CDK14: variants seen among roughly 807,000 people sequenced by gnomAD.
The protein encoded by CDK14 is cyclin dependent kinase 14.
CDK14 carries 34 observed loss-of-function variants against 60.7 expected under a neutral mutation model. The observed-to-expected ratio is 0.56, with a 90% confidence interval of 0.43 to 0.75. CDK14 has a LOEUF of 0.75. CDK14 is among the 30% of genes least tolerant of loss of function. The pLI is 0.00. For synonymous variants in CDK14, 197 were observed against 203.7 expected (o/e 0.97, Z 0.28); for missense variants, 482 against 564.1 (o/e 0.85, Z 1.47).
At chr7:91,159,587 G>A (rs374604666) in intron 14 of CDK14, among the ~76,000 whole-genome samples, 2 of 152,186 alleles carry the variant, frequency 1.3e-5, no homozygotes, top group African/African-American at 2.4e-5. Flanking sequence ...TGTCTGGACC[G>A]ATGGGAGCAG....
intron 2 of CDK14, among the ~76,000 whole-genome samples, chr7:90,648,149 C>G (rs1383395820): frequency 2.0e-5 from 3 of 152,094 alleles, no homozygotes; most frequent in Non-Finnish European, 2.9e-5. Flanking sequence ...GGTTTAGGCT[C>G]TGGGTGTCTT....
chr7:90,618,639 G>C (rs1799701233), intron 2 of CDK14, among the ~76,000 whole-genome samples: 1 of 152,152 alleles, frequency 6.6e-6, no homozygotes. Context: ...GCAGGAGTTA[G>C]AGATGTTTTA....
At chr7:90,631,253 G>C (rs1799991486) in intron 2 of CDK14, among the ~76,000 whole-genome samples, 1 of 152,182 alleles carries the variant, frequency 6.6e-6, no homozygotes, top group African/African-American at 2.4e-5. Flanking sequence ...TGAATGACTG[G>C]ACATGTAGAA....
intron 5 of CDK14, among the ~76,000 whole-genome samples, chr7:90,812,557 T>C (rs1347335551): frequency 6.6e-6 from 1 of 152,154 alleles, no homozygotes; most frequent in African/African-American, 2.4e-5. Flanking sequence ...GCATGGCACA[T>C]GTATACATAT....
At chr7:90,601,552 A>T (rs913600725) in intron 1 of CDK14, among the ~76,000 whole-genome samples, 4 of 152,230 alleles carry the variant, frequency 2.6e-5, no homozygotes, top group East Asian at 3.8e-4. Context: ...TAGCAAATAC[A>T]CTTGCAGTTT....
At chr7:90,985,324 G>A (rs980274444) in intron 10 of CDK14, among the ~76,000 whole-genome samples, 50 of 152,168 alleles carry the variant, frequency 3.3e-4, no homozygotes, top group African/African-American at 1.0e-3. Context: ...TTTTCTCATG[G>A]GTGAAATGAG....
At chr7:90,782,096 G>A (rs1346605334) in intron 4 of CDK14, among the ~76,000 whole-genome samples, 1 of 151,952 alleles carries the variant, frequency 6.6e-6, no homozygotes, top group Non-Finnish European at 1.5e-5. Flanking sequence ...ATTTCATTGA[G>A]CAGTGGTTTG....
At chr7:90,675,242 G>A (rs1020289221) in intron 2 of CDK14, among the ~76,000 whole-genome samples, 9 of 151,734 alleles carry the variant, frequency 5.9e-5, no homozygotes, top group African/African-American at 1.9e-4. Context: ...TCATTTATCT[G>A]CATGTCTATT....
At chr7:90,962,308 G>A (rs1794625279) in intron 9 of CDK14, among the ~76,000 whole-genome samples, 1 of 151,982 alleles carries the variant, frequency 6.6e-6, no homozygotes, top group Non-Finnish European at 1.5e-5. Context: ...TCAACATGGT[G>A]AAACTGCATC....
chr7:90,880,307 C>T (rs1200260724), intron 6 of CDK14, among the ~76,000 whole-genome samples: 2 of 152,228 alleles, frequency 1.3e-5, no homozygotes, highest in Non-Finnish European at 2.9e-5. Flanking sequence ...CAACCTACCA[C>T]CTGTGGCAGT....
chr7:91,180,553 C>T (rs951934146), intron 14 of CDK14, among the ~76,000 whole-genome samples: 28 of 152,196 alleles, frequency 1.8e-4, no homozygotes, highest in Admixed American at 1.6e-3. Context: ...GGATTACGGG[C>T]GAGCAGAATT....
At chr7:91,101,895 C>T (rs936210431) in intron 12 of CDK14, among the ~76,000 whole-genome samples, 4 of 152,084 alleles carry the variant, frequency 2.6e-5, no homozygotes, top group African/African-American at 4.8e-5. Context: ...AGTGTTATGA[C>T]CATAGTACTC....
chr7:91,195,718 CTT>C (rs1802514033), intron 14 of CDK14, among the ~76,000 whole-genome samples: 1 of 152,206 alleles, frequency 6.6e-6, no homozygotes, highest in South Asian at 2.1e-4. Context: ...TACCCACAGA[CTT>C]TACAGTGGCA....
rs1014512582 is a variant in CDK14, at chr7:90,798,057, C to G, written c.544+7405C>G. 4.6e-5 allele frequency among the ~76,000 whole-genome samples: 7 copies of G among 151,928 alleles called. 1 individual carries two copies. Among genetic ancestry groups the G allele is most frequent in the African/African-American group, 9.7e-5 (4 of 41,234 alleles). ...TGATTTCCCAAAGAATCTTTAAACT[C>G]AGAATTTGGAATGTTCTGGAGATCA... On this transcript the variant is annotated intron_variant, in intron 5 of 14. Transcript: ENST00000380050.
At chr7:90,842,648 G>A (rs910089389) in intron 5 of CDK14, among the ~76,000 whole-genome samples, 3 of 152,096 alleles carry the variant, frequency 2.0e-5, no homozygotes, top group Admixed American at 1.3e-4. Context: ...CATGAATGGC[G>A]AATGGCAGTT....
Position 91,208,203 on chromosome 7 carries a change from C to G in CDK14, c.*1067C>G, listed in dbSNP as rs1360650466. The G allele has an allele frequency of 6.6e-6, 1 of 152,620 alleles. No individual in the cohort carries two copies. Among genetic ancestry groups the G allele is most frequent in the African/African-American group, 2.4e-5 (1 of 41,424 alleles). 9.5% of individuals were successfully genotyped at this position (152,620 alleles called of 1,614,324 possible). On this transcript the variant is annotated 3_prime_UTR_variant, in exon 15 of 15. Transcript: ENST00000380050. ...ATTGGAAGACATCATTGGGTTCTTACTTTAAGACATCTCCTGGAATAACTG... is the reference window on the plus strand; with the variant it reads ...ATTGGAAGACATCATTGGGTTCTTAGTTTAAGACATCTCCTGGAATAACTG...
At chr7:90,668,075 A>T (rs943275511) in intron 2 of CDK14, among the ~76,000 whole-genome samples, 1 of 152,184 alleles carries the variant, frequency 6.6e-6, no homozygotes, top group Admixed American at 6.5e-5. Flanking sequence ...AACTATACGT[A>T]TAACTTTTTG....
intron 5 of CDK14, among the ~76,000 whole-genome samples, chr7:90,849,400 A>C (rs895813960): frequency 1.3e-5 from 2 of 152,022 alleles, no homozygotes; most frequent in Non-Finnish European, 2.9e-5. Flanking sequence ...TGAATTACCC[A>C]GCCTCAGTAT....
At chr7:91,096,090 A>T (rs1251959691) in intron 12 of CDK14, among the ~76,000 whole-genome samples, 2 of 140,532 alleles carry the variant, frequency 1.4e-5, no homozygotes, top group African/African-American at 2.6e-5. Context: ...AAAAAAAAAC[A>T]GTTATCTTCT....
Sources: allele counts gnomAD v4.1 joint callset (sites outside exome capture counted in the v4.1 genomes callset), GRCh38; gene constraint gnomAD v4.1.1; transcripts MANE v1.5; gene names NCBI Gene and HGNC (gene_info 2026-07-23, HGNC 2026-07-21).